Variants in SMN1 observed in about 807,000 individuals in gnomAD.
SMN1 encodes the protein survival motor neuron protein.
For missense variants in SMN1, 15 were observed against 17.1 expected (o/e 0.88, Z 0.22); for synonymous variants, 3 against 5.1 (o/e 0.58, Z 0.56).
intron 7 of SMN1, among the ~76,000 whole-genome samples, chr5:70,951,730 T>G (rs1351222416): frequency 6.7e-6 from 1 of 149,616 alleles, no homozygotes; most frequent in African/African-American, 2.5e-5. Flanking sequence ...CAAGAAAACC[T>G]TAACTGCAGC....
chr5:70,950,068 CAA>C (rs1274411771), intron 7 of SMN1, among the ~76,000 whole-genome samples: 4 of 124,522 alleles, frequency 3.2e-5, no homozygotes, highest in Non-Finnish European at 1.7e-5. Context: ...AACTCCATCT[CAA>C]AAAAAAAAAA....
chr5:70,951,863 A>T (rs995642433), intron 7 of SMN1, 78 bp from the exon 8 acceptor site: 2 of 1,130,328 alleles, frequency 1.8e-6, no homozygotes, highest in African/African-American at 3.0e-5. Flanking sequence ...GCTTTTTAAC[A>T]TCCATATAAA....
downstream of SMN1, among the ~76,000 whole-genome samples, chr5:70,955,080 G>GC (rs1749869639): frequency 2.1e-5 from 3 of 143,102 alleles, no homozygotes; most frequent in Non-Finnish European, 4.6e-5. Context: ...AGGCATGGTG[G>GC]TGCATGCCTG....
intron 7 of SMN1, among the ~76,000 whole-genome samples, chr5:70,951,392 G>A (rs212219): frequency 2.0e-5 from 3 of 152,006 alleles, no homozygotes; most frequent in East Asian, 1.9e-4. Context: ...TCCTGCCTCA[G>A]CCTCCCAAGT....
downstream of SMN1, among the ~76,000 whole-genome samples, chr5:70,956,531 A>G (rs1264738885): frequency 2.8e-5 from 4 of 144,730 alleles, no homozygotes; most frequent in Non-Finnish European, 6.1e-5. Flanking sequence ...AGCTTTCTAC[A>G]TATGGCTAGC....
Position 70,950,962 on chromosome 5 carries a change from C to T in SMN1, c.835-979C>T, listed in dbSNP as rs540977118. On this transcript the variant is annotated intron_variant, in intron 7 of 8. Coordinates refer to ENST00000380707, the MANE Select transcript of SMN1 (RefSeq NM_000344.4). ...CCTAGTCTTGTATTTTTAGTAGAGT[C>T]GGGGTTTCTCCATGTTGGTCAGGCT... Among the ~76,000 whole-genome samples, 436 of 151,922 alleles carry T rather than the reference C, an allele frequency of 2.9e-3. 9 individuals carry two copies. The highest frequency in any genetic ancestry group is 9.8e-3 in the African/African-American group (406 of 41,384).
chr5:70,960,306 A>G, the SMN1 span, among the ~76,000 whole-genome samples: 1 of 147,632 alleles, frequency 6.8e-6, no homozygotes, highest in Admixed American at 6.8e-5. Flanking sequence ...ACTTGCTAAA[A>G]TTTATTTGTA....
At position 70,950,094 on chromosome 5, in the gene SMN1, G is replaced by A. The variant is rs1262637183; in HGVS notation, c.835-1847G>A. On this transcript the variant is annotated intron_variant, in intron 7 of 8. Coordinates refer to ENST00000380707, the MANE Select transcript of SMN1 (RefSeq NM_000344.4). ...AAAAAAAAAAAAATAAGGTATAAGCGGGCTCAGGAACATCATTGGACATAC... is the reference window on the plus strand; with the variant it reads ...AAAAAAAAAAAAATAAGGTATAAGCAGGCTCAGGAACATCATTGGACATAC... Among the ~76,000 whole-genome samples the A allele has an allele frequency of 1.6e-4, 23 of 146,186 alleles. 1 individual carries two copies. The highest frequency in any genetic ancestry group is 1.4e-3 in the Admixed American group (20 of 14,244).
chr5:70,935,773 C>CA (rs879740939), intron 1 of SMN1, among the ~76,000 whole-genome samples: 14,958 of 133,814 alleles, frequency 0.11, 290 homozygotes, highest in African/African-American at 0.27. Context: ...CAAAACAAAA[C>CA]AAAAAAAAAA....
At chr5:70,950,644 G>GTT (rs1379448621) in intron 7 of SMN1, among the ~76,000 whole-genome samples, 4 of 112,204 alleles carry the variant, frequency 3.6e-5, no homozygotes, top group African/African-American at 9.3e-5. Context: ...TTTGTTTTTT[G>GTT]TTTTTTTTTT....
downstream of SMN1, among the ~76,000 whole-genome samples, chr5:70,956,670 T>A (rs1242876405): frequency 6.6e-6 from 1 of 150,484 alleles, no homozygotes; most frequent in African/African-American, 2.4e-5. Flanking sequence ...GTTCCATTGG[T>A]CTATATCTCT....
At chr5:70,945,462 A>G (rs1455013607) in intron 6 of SMN1, among the ~76,000 whole-genome samples, 1 of 29,442 alleles carries the variant, frequency 3.4e-5, no homozygotes, top group African/African-American at 2.5e-4. Flanking sequence ...TTTAGGTATT[A>G]ACAATAGATA....
chr5:70,950,417 CA>C (rs567115648), intron 7 of SMN1, among the ~76,000 whole-genome samples: 25 of 136,986 alleles, frequency 1.8e-4, no homozygotes, highest in Admixed American at 4.4e-4. Flanking sequence ...AACTCCGTCT[CA>C]AAAAAAAAAG....
chr5:70,951,115 A>G (rs986856243), intron 7 of SMN1, among the ~76,000 whole-genome samples: 7 of 151,522 alleles, frequency 4.6e-5, no homozygotes, highest in Non-Finnish European at 8.8e-5. Context: ...TTTTTTAGAG[A>G]CCAGGTCTCA....
the SMN1 span, among the ~76,000 whole-genome samples, chr5:70,963,719 G>A: frequency 3.3e-5 from 4 of 120,460 alleles, no homozygotes; most frequent in African/African-American, 1.1e-4. Flanking sequence ...TTATAGCAGT[G>A]CAAGAATGCC....
At chr5:70,958,848 T>C (rs570876792), downstream of SMN1, among the ~76,000 whole-genome samples, 75 of 150,410 alleles carry the variant, frequency 5.0e-4, 2 homozygotes, top group African/African-American at 1.0e-3. Flanking sequence ...GTCAGTGTGG[T>C]GATTCCTCAG....
chr5:70,955,689 G>A (rs1749888933), downstream of SMN1, among the ~76,000 whole-genome samples: 1 of 147,976 alleles, frequency 6.8e-6, no homozygotes, highest in African/African-American at 2.5e-5. Context: ...AGAGGCTGAA[G>A]CATGAGAATC....
downstream of SMN1, among the ~76,000 whole-genome samples, chr5:70,956,633 C>A (rs1477165849): frequency 6.7e-6 from 1 of 149,490 alleles, no homozygotes; most frequent in African/African-American, 2.4e-5. Flanking sequence ...TGTAGATATG[C>A]GGCGTTATTT....
the SMN1 span, among the ~76,000 whole-genome samples, chr5:70,959,118 A>G: frequency 6.7e-6 from 1 of 150,204 alleles, no homozygotes; most frequent in African/African-American, 2.4e-5. Flanking sequence ...GACATGGATG[A>G]AATTGGAAAT....
Sources: allele counts gnomAD v4.1 joint callset (sites outside exome capture counted in the v4.1 genomes callset), GRCh38; gene constraint gnomAD v4.1.1; transcripts MANE v1.5; gene names NCBI Gene and HGNC (gene_info 2026-07-23, HGNC 2026-07-21).